The following OSBPL9 variants were observed in gnomAD, a reference collection of about 807,000 sequenced individuals.
The protein encoded by OSBPL9 is oxysterol binding protein like 9.
Under a neutral mutation model 106.6 loss-of-function variants are expected in OSBPL9, and 40 were observed. The observed-to-expected ratio is 0.38, with a 90% confidence interval of 0.29 to 0.49. The LOEUF (loss-of-function observed/expected upper bound fraction) is 0.49. OSBPL9 is among the 20% of genes least tolerant of loss of function. The pLI, the probability that OSBPL9 is intolerant of heterozygous loss-of-function variation, is 0.97. For synonymous variants in OSBPL9, 269 were observed against 295.4 expected (o/e 0.91, Z 0.92); for missense variants, 609 against 887.2 (o/e 0.69, Z 3.98).
intron 3 of OSBPL9, among the ~76,000 whole-genome samples, chr1:51,698,470 G>A (rs1284888061): frequency 1.3e-5 from 2 of 152,178 alleles, no homozygotes; most frequent in East Asian, 3.9e-4. Flanking sequence ...ATGTATATGT[G>A]TATGTACACA....
intron 5 of OSBPL9, among the ~76,000 whole-genome samples, chr1:51,746,184 C>T (rs528985578): frequency 4.6e-5 from 7 of 152,250 alleles, no homozygotes; most frequent in South Asian, 2.1e-4. Context: ...CCTTGTGATC[C>T]GCCTGCCTCG....
At chr1:51,783,074 C>G (rs1384979624) in intron 17 of OSBPL9, among the ~76,000 whole-genome samples, 1 of 152,164 alleles carries the variant, frequency 6.6e-6, no homozygotes, top group East Asian at 1.9e-4. Flanking sequence ...TATGCACACC[C>G]TCCTGTATAC....
chr1:51,759,212 C>T (rs1670993232), intron 9 of OSBPL9, among the ~76,000 whole-genome samples: 1 of 151,808 alleles, frequency 6.6e-6, no homozygotes. Flanking sequence ...ATTTTAGTGA[C>T]AAGAATCAGA....
At chr1:51,553,223 G>A in the OSBPL9 span, among the ~76,000 whole-genome samples, 7 of 152,104 alleles carry the variant, frequency 4.6e-5, no homozygotes, top group Non-Finnish European at 7.4e-5. Flanking sequence ...CTTCTTTCTC[G>A]TAGCCATCCT....
the OSBPL9 span, among the ~76,000 whole-genome samples, chr1:51,543,950 A>C: frequency 1.3e-5 from 2 of 152,246 alleles, no homozygotes; most frequent in Non-Finnish European, 2.9e-5. Context: ...TTTAGGGAGA[A>C]TGCTGGCTAG....
At position 51,787,948 on chromosome 1, in the gene OSBPL9, G is replaced by C; in HGVS notation, c.*159G>C. 1.6e-6 allele frequency: 1 copy of C among 620,494 alleles called. No homozygotes were observed. Among genetic ancestry groups the C allele is most frequent in the Non-Finnish European group, 2.7e-6 (1 of 365,108 alleles). The allele number at this position is 620,494 out of a possible 1,614,324, so 38.4% of individuals were successfully genotyped here. A position where few individuals can be genotyped will look rare whatever the true frequency, so the allele number is the denominator to read the frequency against. On this transcript the variant is annotated 3_prime_UTR_variant, in exon 24 of 24. Transcript: ENST00000428468. ...CTTTCTGACGCAGATGAACAATTAA[G>C]GGGAAAAGCTTCCCTTTTCCCTCTG...
intron 18 of OSBPL9, 83 bp downstream of exon 18, chr1:51,784,108 C>T (rs200661014): frequency 3.2e-5 from 46 of 1,421,986 alleles, no homozygotes; most frequent in Non-Finnish European, 4.0e-6. Context: ...TTGTTAGCAA[C>T]TAAGCATTGG....
chr1:51,592,380 G>A (rs1645281503), intron 1 of OSBPL9, among the ~76,000 whole-genome samples: 1 of 152,142 alleles, frequency 6.6e-6, no homozygotes, highest in African/African-American at 2.4e-5. Context: ...CTCCCAAAGT[G>A]CTGGGATTAC....
chr1:51,642,530 G>A lies in OSBPL9; in HGVS notation c.112-9461G>A, dbSNP rs982603587. 9.9e-5 allele frequency among the ~76,000 whole-genome samples: 15 copies of A among 152,036 alleles called. No homozygotes were observed. In the East Asian group the frequency reaches 1.9e-3, roughly 20 times the overall value. ...ATAAAAGCCAGGTCAATTGTCCTGC[G>A]TGAGTAGCCAGACACTCTGTAGGTG... is the stretch of plus-strand genomic sequence containing the variant. On this transcript the variant is annotated intron_variant, in intron 1 of 23. Transcript: ENST00000428468.
At chr1:51,758,176 T>TAACA (rs1670740629) in intron 9 of OSBPL9, among the ~76,000 whole-genome samples, 1 of 152,046 alleles carries the variant, frequency 6.6e-6, no homozygotes, top group Admixed American at 6.6e-5. Context: ...AAGACAAAAT[T>TAACA]ACAACAAATT....
At chr1:51,531,138 TG>T in the OSBPL9 span, among the ~76,000 whole-genome samples, 1 of 139,720 alleles carries the variant, frequency 7.2e-6, no homozygotes, top group Non-Finnish European at 1.5e-5. Flanking sequence ...TAGCTGAGTG[TG>T]GTGGTGCATG....
intron 9 of OSBPL9, chr1:51,756,953 T>C (rs1254929799): frequency 6.6e-6 from 1 of 152,170 alleles, no homozygotes; most frequent in African/African-American, 2.4e-5. Flanking sequence ...AGAAGAAAAT[T>C]GTATTGTTAG....
chr1:51,732,175 T>C (rs1664606856), intron 4 of OSBPL9, among the ~76,000 whole-genome samples: 1 of 152,228 alleles, frequency 6.6e-6, no homozygotes. Flanking sequence ...CATGTTCTGC[T>C]GGTTGGAAAG....
the OSBPL9 span, among the ~76,000 whole-genome samples, chr1:51,528,726 C>T: frequency 6.6e-6 from 1 of 151,130 alleles, no homozygotes; most frequent in East Asian, 2.0e-4. Flanking sequence ...TGCAAAAATT[C>T]GCCAGGCATG....
chr1:51,577,062 C>T (rs1377306888), upstream of OSBPL9: 2 of 152,274 alleles, frequency 1.3e-5, no homozygotes, highest in Non-Finnish European at 2.9e-5. Flanking sequence ...AGCTCTTGCT[C>T]TGAGTTTGCT....
the OSBPL9 span, chr1:51,567,643 A>C: frequency 6.6e-6 from 1 of 152,238 alleles, no homozygotes; most frequent in Admixed American, 6.5e-5. Flanking sequence ...TTTAACCTGT[A>C]AAATGGAGAT....
At chr1:51,544,837 C>CTTTTT in the OSBPL9 span, among the ~76,000 whole-genome samples, 181 of 80,236 alleles carry the variant, frequency 2.3e-3, 2 homozygotes, top group Non-Finnish European at 2.7e-3. Flanking sequence ...AAGAGACATG[C>CTTTTT]TTTTTTTTTT....
intron 3 of OSBPL9, among the ~76,000 whole-genome samples, chr1:51,674,859 T>G (rs1012073701): frequency 2.0e-5 from 3 of 152,186 alleles, no homozygotes; most frequent in Non-Finnish European, 2.9e-5. Flanking sequence ...GAAGAAGAAT[T>G]GTCTTGGGTC....
chr1:51,723,143 T>G lies in OSBPL9; in HGVS notation c.318+9064T>G, dbSNP rs139431523. Among the ~76,000 whole-genome samples, 10 of 152,352 alleles carry G rather than the reference T, an allele frequency of 6.6e-5. No homozygotes were observed. The East Asian group carries it at 1.9e-3, about 29-fold the overall frequency. ...GTTTGTTACAATTAATGAACCTACA[T>G]TGACACATCATTATCACTCAAGGTC... On this transcript the variant is annotated intron_variant, in intron 4 of 23. Coordinates refer to ENST00000428468, the MANE Select transcript of OSBPL9 (RefSeq NM_024586.6).
Sources: gnomAD v4.1 joint callset for allele counts (sites outside exome capture counted in the v4.1 genomes callset) on GRCh38, gnomAD v4.1.1 for gene constraint, MANE v1.5 for transcripts, NCBI Gene and HGNC (gene_info 2026-07-23, HGNC 2026-07-21) for gene names.